The following TMTC2 variants were observed in gnomAD, a reference collection of about 807,000 sequenced individuals.
The protein encoded by TMTC2 is protein O-mannosyl-transferase TMTC2.
TMTC2 carries 43 observed loss-of-function variants against 82.4 expected under a neutral mutation model. The observed-to-expected ratio is 0.52, with a 90% CI of 0.41 to 0.67. The LOEUF is 0.67. TMTC2 is among the 30% of genes least tolerant of loss of function. The pLI is 0.00. For missense variants in TMTC2, 919 were observed against 1,012.4 expected, an observed-to-expected ratio of 0.91 and a Z score of 1.25; for synonymous variants, 408 against 381.9, an observed-to-expected ratio of 1.07 and a Z score of -0.80.
intron 1 of TMTC2, among the ~76,000 whole-genome samples, chr12:82,730,559 G>C (rs1037888526): frequency 5.3e-5 from 8 of 152,174 alleles, no homozygotes; most frequent in Non-Finnish European, 8.8e-5. Flanking sequence ...TGACTACTGA[G>C]CATTCTCTTG....
Position 82,798,344 on chromosome 12 carries a change from G to T in TMTC2, c.84-58666G>T, listed in dbSNP as rs192208228. On this transcript the variant is annotated intron_variant, in intron 1 of 11. Transcript: ENST00000321196. Reference sequence around the variant, plus strand: ...CCCAGCACTTTGGGAGGCCGAGGCCGGTGGATGGCGGGCGTGGTGGCGGGC... The same window carrying T: ...CCCAGCACTTTGGGAGGCCGAGGCCTGTGGATGGCGGGCGTGGTGGCGGGC... 2.7e-5 allele frequency among the ~76,000 whole-genome samples: 4 copies of T among 150,726 alleles called. No individual in the cohort carries two copies. The East Asian group carries it at 6.0e-4, about 23-fold the overall frequency.
intron 1 of TMTC2, among the ~76,000 whole-genome samples, chr12:82,728,440 G>C (rs572119984): frequency 6.6e-6 from 1 of 152,164 alleles, no homozygotes; most frequent in African/African-American, 2.4e-5. Context: ...GCAGACCCAG[G>C]CTGGGCGCGG....
chr12:82,745,025 GC>G (rs1330793435), intron 1 of TMTC2, among the ~76,000 whole-genome samples: 1 of 152,038 alleles, frequency 6.6e-6, no homozygotes, highest in Non-Finnish European at 1.5e-5. Flanking sequence ...AAAAGATATT[GC>G]TATTTCAGGT....
chr12:83,058,170 G>A (rs762035869), intron 10 of TMTC2, among the ~76,000 whole-genome samples: 1 of 151,758 alleles, frequency 6.6e-6, no homozygotes, highest in Non-Finnish European at 1.5e-5. Context: ...ATATTTAACA[G>A]ATGCAAATTT....
intron 1 of TMTC2, among the ~76,000 whole-genome samples, chr12:82,756,072 C>G (rs184503562): frequency 2.0e-5 from 3 of 152,040 alleles, no homozygotes; most frequent in Admixed American, 1.3e-4. Flanking sequence ...TTGTAGTTAC[C>G]TGTTCTTTGA....
intron 1 of TMTC2, among the ~76,000 whole-genome samples, chr12:82,708,553 T>C (rs1873479156): frequency 6.6e-6 from 1 of 152,216 alleles, no homozygotes; most frequent in Non-Finnish European, 1.5e-5. Context: ...CTGAGTGTGC[T>C]GGCGAGCAGC....
chr12:82,764,616 T>A (rs574477446), intron 1 of TMTC2, among the ~76,000 whole-genome samples: 1 of 152,258 alleles, frequency 6.6e-6, no homozygotes, highest in East Asian at 1.9e-4. Flanking sequence ...GCTCTGTCAA[T>A]CGAGAAAAAT....
At chr12:82,933,730 C>T (rs550458855) in intron 4 of TMTC2, among the ~76,000 whole-genome samples, 87 of 152,286 alleles carry the variant, frequency 5.7e-4, no homozygotes, top group Admixed American at 9.2e-4. Flanking sequence ...GAATCGTAAG[C>T]TTCTGTTAGG....
At chr12:82,780,286 T>A (rs1188063939) in intron 1 of TMTC2, among the ~76,000 whole-genome samples, 1 of 152,168 alleles carries the variant, frequency 6.6e-6, no homozygotes, top group Non-Finnish European at 1.5e-5. Context: ...CTGACCATTC[T>A]GATATCTAAG....
At chr12:82,928,837 C>A (rs1875865045) in intron 3 of TMTC2, among the ~76,000 whole-genome samples, 1 of 152,100 alleles carries the variant, frequency 6.6e-6, no homozygotes, top group Admixed American at 6.6e-5. Context: ...GAGTTCAATG[C>A]CTTTCCTCTG....
chr12:82,876,771 G>T (rs1426990447), intron 2 of TMTC2, among the ~76,000 whole-genome samples: 1 of 151,888 alleles, frequency 6.6e-6, no homozygotes. Context: ...TCTTGATCAG[G>T]CTGCTGGCTC....
intron 4 of TMTC2, among the ~76,000 whole-genome samples, chr12:82,932,819 C>T (rs911719088): frequency 3.9e-5 from 6 of 152,090 alleles, no homozygotes; most frequent in African/African-American, 1.2e-4. Context: ...AAACGTTGCC[C>T]ACCTCTTTGT....
intron 11 of TMTC2, among the ~76,000 whole-genome samples, chr12:83,094,153 A>C (rs538272500): frequency 6.6e-6 from 1 of 152,238 alleles, no homozygotes; most frequent in Non-Finnish European, 1.5e-5. Context: ...TAGATAATGC[A>C]GTCCTGTAGA....
At chr12:82,707,477 A>C (rs1279996397) in intron 1 of TMTC2, among the ~76,000 whole-genome samples, 1 of 152,142 alleles carries the variant, frequency 6.6e-6, no homozygotes, top group East Asian at 1.9e-4. Flanking sequence ...GTCTGAACCA[A>C]AGAGCTCTAA....
chr12:82,751,579 G>T (rs1356091520), intron 1 of TMTC2, among the ~76,000 whole-genome samples: 2 of 151,996 alleles, frequency 1.3e-5, no homozygotes, highest in East Asian at 3.9e-4. Flanking sequence ...AAGTTATTTT[G>T]GAAACTTCAA....
chr12:83,036,238 A>G (rs1881656260), intron 9 of TMTC2, among the ~76,000 whole-genome samples: 1 of 152,210 alleles, frequency 6.6e-6, no homozygotes, highest in South Asian at 2.1e-4. Flanking sequence ...ACAGTAGAGA[A>G]TAAGACCAGC....
chr12:82,954,100 A>C (rs1390728331), intron 4 of TMTC2, among the ~76,000 whole-genome samples: 1 of 152,020 alleles, frequency 6.6e-6, no homozygotes, highest in African/African-American at 2.4e-5. Context: ...CATTTGTCTT[A>C]GTTTTTTAGT....
At chr12:83,056,621 A>G (rs1222464339) in intron 10 of TMTC2, among the ~76,000 whole-genome samples, 1 of 151,954 alleles carries the variant, frequency 6.6e-6, no homozygotes, top group Non-Finnish European at 1.5e-5. Flanking sequence ...ACGTGTGTGT[A>G]TCTTGGGGAT....
chr12:83,042,911 A>G (rs151305744), intron 9 of TMTC2, among the ~76,000 whole-genome samples: 146 of 152,306 alleles, frequency 9.6e-4, no homozygotes, highest in African/African-American at 3.2e-3. Flanking sequence ...TCCCAGTCTC[A>G]CAATAAGCAG....
Sources: gnomAD v4.1 joint callset for allele counts (sites outside exome capture counted in the v4.1 genomes callset) on GRCh38, gnomAD v4.1.1 for gene constraint, MANE v1.5 for transcripts, NCBI Gene and HGNC (gene_info 2026-07-23, HGNC 2026-07-21) for gene names.